NAV1: variants seen among roughly 807,000 people sequenced by gnomAD.
The protein encoded by NAV1 is pore membrane and/or filament interacting like protein 3.
Under a neutral mutation model 175.2 loss-of-function variants are expected in NAV1, and 18 were observed. The observed-to-expected ratio is 0.10, with a 90% CI of 0.07 to 0.15. NAV1 has a LOEUF of 0.15. Among genes scored for constraint, NAV1 ranks in the 10% least tolerant of loss-of-function variants. The pLI, the probability that NAV1 is intolerant of heterozygous loss-of-function variation, is 1.00. For missense variants in NAV1, 1,731 were observed against 2,436.6 expected (o/e 0.71, Z 6.10); for synonymous variants, 897 against 978.7 (o/e 0.92, Z 1.56).
At chr1:201,702,400 C>T (rs1196712748) in intron 1 of NAV1, among the ~76,000 whole-genome samples, 3 of 152,116 alleles carry the variant, frequency 2.0e-5, no homozygotes, top group African/African-American at 7.2e-5. Context: ...GAGTTTCACT[C>T]TTGTTGCCCA....
At chr1:201,664,246 G>T (rs922479411) in intron 1 of NAV1, among the ~76,000 whole-genome samples, 1 of 152,182 alleles carries the variant, frequency 6.6e-6, no homozygotes, top group Non-Finnish European at 1.5e-5. Context: ...GGAGGCTGAG[G>T]CAGGAGAATT....
At chr1:201,784,867 A>T (rs538883726) in intron 7 of NAV1, among the ~76,000 whole-genome samples, 13 of 152,170 alleles carry the variant, frequency 8.5e-5, no homozygotes, top group African/African-American at 3.1e-4. Flanking sequence ...TCCTGGGTTC[A>T]TGCCATTCTC....
Position 201,630,916 on chromosome 1 carries a change from G to A in NAV1, c.4+1409G>A, listed in dbSNP as rs145263145. On this transcript the variant is annotated intron_variant, in intron 2 of 29. Coordinates refer to the NAV1 transcript ENST00000367302. Reference sequence around the variant, plus strand: ...TCTCCATGCACCTAACCCAGCGCTCGTTCACGATTATTATCCGATGAGTTG... The same window carrying A: ...TCTCCATGCACCTAACCCAGCGCTCATTCACGATTATTATCCGATGAGTTG... 1.5e-4 allele frequency among the ~76,000 whole-genome samples: 23 copies of A among 152,290 alleles called. No individual in the cohort carries two copies. The East Asian group carries it at 3.3e-3, about 22-fold the overall frequency.
At chr1:201,752,867 T>C (rs990452432) in intron 3 of NAV1, among the ~76,000 whole-genome samples, 4 of 152,200 alleles carry the variant, frequency 2.6e-5, no homozygotes, top group African/African-American at 9.6e-5. Flanking sequence ...CTCACAGTGG[T>C]AACTTGCAAA....
intron 1 of NAV1, among the ~76,000 whole-genome samples, chr1:201,696,678 CTCCTGGCG>C (rs1357395580): frequency 6.6e-6 from 1 of 152,156 alleles, no homozygotes; most frequent in Non-Finnish European, 1.5e-5. Context: ...CAGGAAGGGC[CTCCTGGCG>C]TCCGCCTCTG....
chr1:201,813,268 A>T lies in NAV1; in HGVS notation c.5340+10A>T, dbSNP rs540361217. On this transcript the variant is annotated intron_variant, in intron 28 of 29. Coordinates refer to ENST00000367296, the Ensembl canonical transcript of NAV1. This position sits in a 1 kb window ranked among gnomAD's most constrained non-coding sequence, Gnocchi z 4.2. ...CAAGGATGGGATAAAGGTGAGCCCTACCCCCTTCACTCAAACCCTAAGATC... is the reference window on the plus strand; with the variant it reads ...CAAGGATGGGATAAAGGTGAGCCCTTCCCCCTTCACTCAAACCCTAAGATC... 25 of 1,548,102 alleles carry T rather than the reference A, an allele frequency of 1.6e-5. 1 individual carries two copies. The South Asian group carries it at 2.7e-4, about 17-fold the overall frequency.
chr1:201,712,942 G>T (rs774021677), intron 2 of NAV1, 23 bp downstream of exon 6: 7 of 1,551,516 alleles, frequency 4.5e-6, no homozygotes, highest in South Asian at 1.1e-5. Flanking sequence ...TGCAGAGAGG[G>T]TCATGCCCTC....
At position 201,756,794 on chromosome 1, in the gene NAV1, CTCTTTCTTTCTTTCCT is replaced by C. The variant is rs1250914681; in HGVS notation, c.1227-23612_1227-23597del. Reference sequence around the variant, plus strand: ...AAGGGCAAAGAACTAATGAGCAATTCTCTTTCTTTCTTTCCTTCTTTCTTTCTTTCTTTCTTTCTTT... The same window carrying C: ...AAGGGCAAAGAACTAATGAGCAATTCTCTTTCTTTCTTTCTTTCTTTCTTT... On this transcript the variant is annotated intron_variant, in intron 3 of 29. Coordinates refer to ENST00000367296, the Ensembl canonical transcript of NAV1. 5.8e-3 allele frequency among the ~76,000 whole-genome samples: 838 copies of C among 143,656 alleles called. 25 individuals are homozygous for C. Among genetic ancestry groups the C allele is most frequent in the African/African-American group, 0.015 (576 of 38,662 alleles). 94.2% of individuals were successfully genotyped at this position (143,656 alleles called of 152,430 possible).
At chr1:201,756,792 TTC>T (rs1162769963) in intron 3 of NAV1, among the ~76,000 whole-genome samples, 12 of 147,352 alleles carry the variant, frequency 8.1e-5, no homozygotes, top group African/African-American at 2.7e-4. Flanking sequence ...TAATGAGCAA[TTC>T]TCTTTCTTTC....
chr1:201,771,024 G>C (rs974917321), intron 3 of NAV1, among the ~76,000 whole-genome samples: 1 of 152,134 alleles, frequency 6.6e-6, no homozygotes, highest in Non-Finnish European at 1.5e-5. Flanking sequence ...CTCACCAAGA[G>C]TGCAGAGAAC....
chr1:201,786,111 G>A (rs1270298645), intron 8 of NAV1, among the ~76,000 whole-genome samples: 3 of 152,090 alleles, frequency 2.0e-5, no homozygotes, highest in Non-Finnish European at 2.9e-5. Context: ...CAACTTGAAA[G>A]CCCACATGTG....
intron 29 of NAV1, among the ~76,000 whole-genome samples, chr1:201,819,308 G>A (rs528164674): frequency 1.3e-5 from 2 of 152,210 alleles, no homozygotes; most frequent in South Asian, 2.1e-4. Context: ...CTTGTCCCTT[G>A]TATAGCAGGC....
chr1:201,703,243 T>G (rs1671518450), intron 1 of NAV1, among the ~76,000 whole-genome samples: 1 of 152,208 alleles, frequency 6.6e-6, no homozygotes, highest in South Asian at 2.1e-4. Flanking sequence ...TGAGGTTCAC[T>G]GGGCAGGAAA....
intron 15 of NAV1, among the ~76,000 whole-genome samples, chr1:201,799,421 C>T (rs1677696445): frequency 3.3e-5 from 5 of 152,172 alleles, no homozygotes; most frequent in African/African-American, 1.2e-4. Flanking sequence ...AATGCTTAGG[C>T]AATAATGCCT....
chr1:201,756,986 A>G (rs1674552287), intron 3 of NAV1, among the ~76,000 whole-genome samples: 1 of 152,048 alleles, frequency 6.6e-6, no homozygotes, highest in Non-Finnish European at 1.5e-5. Flanking sequence ...TAATAGTGGC[A>G]GGTCTGGCAT....
exon 30 of NAV1, chr1:201,824,510 A>G (rs532412862): frequency 1.3e-5 from 2 of 152,318 alleles, no homozygotes; most frequent in Non-Finnish European, 2.9e-5. Context: ...TAGCCCTGGA[A>G]GTGAGCACTG....
chr1:201,778,896 C>CA (rs1164534543), intron 3 of NAV1, among the ~76,000 whole-genome samples: 1 of 152,158 alleles, frequency 6.6e-6, no homozygotes, highest in Non-Finnish European at 1.5e-5. Context: ...CTAATTCACA[C>CA]AAAAAAATCT....
chr1:201,794,315 C>A, intron 14 of NAV1, 151 bp from the exon 19 acceptor site: 1 of 707,712 alleles, frequency 1.4e-6, no homozygotes, highest in East Asian at 2.8e-5. Context: ...CCACGCCCAG[C>A]TAATTTTTGT....
intron 6 of NAV1, among the ~76,000 whole-genome samples, 161 bp from the exon 11 acceptor site, chr1:201,783,245 T>C (rs1264760177): frequency 2.6e-5 from 4 of 152,206 alleles, no homozygotes; most frequent in African/African-American, 9.7e-5. Context: ...CCAAGTTGGG[T>C]ATCAGATTTC....
Sources: gnomAD v4.1 joint callset for allele counts (sites outside exome capture counted in the v4.1 genomes callset) on GRCh38, gnomAD v4.1.1 for gene constraint, Gnocchi (gnomAD v3.1) non-coding constraint, MANE v1.5 for transcripts, NCBI Gene and HGNC (gene_info 2026-07-23, HGNC 2026-07-21) for gene names.